Variants in PRIMA1 observed in about 807,000 individuals in gnomAD.
PRIMA1 encodes proline-rich membrane anchor 1.
PRIMA1 carries 7 observed loss-of-function variants against 17.5 expected under a neutral mutation model. The observed-to-expected ratio is 0.40, with a 90% CI of 0.23 to 0.75. The LOEUF is 0.75. PRIMA1 is among the 30% of genes least tolerant of loss of function. The probability of loss-of-function intolerance (pLI) is 0.37; values close to 1 mark genes in which losing one functional copy is unlikely to be tolerated. For missense variants in PRIMA1, 200 were observed against 201.8 expected (o/e 0.99, Z 0.05); for synonymous variants, 97 against 77.9 (o/e 1.25, Z -1.29).
At position 93,739,721 on chromosome 14, in the gene PRIMA1, A is replaced by G. The variant is rs115492171; in HGVS notation, c.230-2351T>C. Among the ~76,000 whole-genome samples, 664 of 152,252 alleles carry G rather than the reference A, an allele frequency of 4.4e-3. 5 individuals carry two copies. The highest frequency in any genetic ancestry group is 0.016 in the African/African-American group (644 of 41,540). On this transcript the variant is annotated intron_variant, in intron 3 of 4. Coordinates refer to ENST00000393140, the MANE Select transcript of PRIMA1 (RefSeq NM_178013.4). ...AGTGAACCAGCACCGAAACCCCACT[A>G]ACAAATGCAAGGTGCCTAGGAGTGA... is the stretch of plus-strand genomic sequence containing the variant.
intron 3 of PRIMA1, among the ~76,000 whole-genome samples, chr14:93,770,876 G>A (rs995853131): frequency 6.6e-6 from 1 of 152,202 alleles, no homozygotes; most frequent in Admixed American, 6.5e-5. Flanking sequence ...AGTAGCTACG[G>A]AGGACTCATG....
intron 4 of PRIMA1, among the ~76,000 whole-genome samples, chr14:93,729,621 C>T (rs541407555): frequency 6.6e-6 from 1 of 152,350 alleles, no homozygotes; most frequent in East Asian, 1.9e-4. Flanking sequence ...TTCCCCATGC[C>T]CCTCCTTTGG....
chr14:93,736,234 G>A (rs1430035981), intron 4 of PRIMA1, among the ~76,000 whole-genome samples: 1 of 152,134 alleles, frequency 6.6e-6, no homozygotes, highest in Non-Finnish European at 1.5e-5. Context: ...GCTGGGCTTT[G>A]GAGTATTTTT....
chr14:93,760,794 A>T (rs2076321649), intron 3 of PRIMA1, among the ~76,000 whole-genome samples: 1 of 152,014 alleles, frequency 6.6e-6, no homozygotes, highest in Non-Finnish European at 1.5e-5. Context: ...TGTTGGCCTC[A>T]CTTTCTCATC....
At chr14:93,763,232 C>T (rs2141181393) in intron 3 of PRIMA1, among the ~76,000 whole-genome samples, 1 of 152,320 alleles carries the variant, frequency 6.6e-6, no homozygotes, top group South Asian at 2.1e-4. Flanking sequence ...CCCAGCATTG[C>T]CCCTGCCTCC....
chr14:93,752,766 C>T (rs943322), intron 3 of PRIMA1, among the ~76,000 whole-genome samples: 141,393 of 152,176 alleles, frequency 0.93, 66,312 homozygotes, highest in Non-Finnish European at 0.97. Flanking sequence ...ATCCGGGGCA[C>T]GCAACCTGGG....
At chr14:93,728,363 C>A (rs1359273498) in intron 4 of PRIMA1, among the ~76,000 whole-genome samples, 1 of 152,174 alleles carries the variant, frequency 6.6e-6, no homozygotes, top group Admixed American at 6.5e-5. Context: ...GGTAGGCTGA[C>A]AGGTCAGCGA....
intron 3 of PRIMA1, among the ~76,000 whole-genome samples, chr14:93,776,568 A>C (rs1288079430): frequency 6.6e-6 from 1 of 152,124 alleles, no homozygotes; most frequent in Non-Finnish European, 1.5e-5. Flanking sequence ...CACACTGTCA[A>C]AACAGTTGAT....
chr14:93,754,084 A>G (rs2076276675), intron 3 of PRIMA1, among the ~76,000 whole-genome samples: 2 of 152,220 alleles, frequency 1.3e-5, no homozygotes, highest in African/African-American at 4.8e-5. Flanking sequence ...GGAGGAAAAT[A>G]TTTATATTAA....
In PRIMA1 at chr14:93,779,172, T is replaced by C; in HGVS notation, c.229+4A>G. 8.2e-7 allele frequency: 1 copy of C among 1,222,566 alleles called. No individual in the cohort carries two copies. The highest frequency in any genetic ancestry group is 1.0e-6 in the Non-Finnish European group (1 of 967,618). 75.7% of individuals were successfully genotyped at this position (1,222,566 alleles called of 1,614,324 possible). A position where few individuals can be genotyped will look rare whatever the true frequency, so the allele number is the denominator to read the frequency against. Reference sequence around the variant, plus strand: ...ACCCGAAAATGGAGTGAGCCATTACTTACCTGGGGCGGAGAGGAGTCTGGG... The same window carrying C: ...ACCCGAAAATGGAGTGAGCCATTACCTACCTGGGGCGGAGAGGAGTCTGGG... On this transcript the variant is annotated splice_donor_region_variant and intron_variant, in intron 3 of 4. Coordinates refer to ENST00000393140, the MANE Select transcript of PRIMA1 (RefSeq NM_178013.4).
intron 3 of PRIMA1, among the ~76,000 whole-genome samples, chr14:93,759,424 A>T (rs903710797): frequency 6.6e-6 from 1 of 152,098 alleles, no homozygotes; most frequent in Non-Finnish European, 1.5e-5. Context: ...AAATCTGCTC[A>T]AGGTGAGAAA....
At position 93,735,830 on chromosome 14, in the gene PRIMA1, T is replaced by C. The variant is rs184663613; in HGVS notation, c.359+1411A>G. 2.6e-4 allele frequency among the ~76,000 whole-genome samples: 39 copies of C among 151,980 alleles called. No homozygotes were observed. The East Asian group carries it at 6.0e-3, about 23-fold the overall frequency. ...CCTCAGCCTCCTGAGGCTGGGATTA[T>C]AGGCGTGTGCCACCATGACCTGCTA... On this transcript the variant is annotated intron_variant, in intron 4 of 4. Coordinates refer to ENST00000393140, the MANE Select transcript of PRIMA1 (RefSeq NM_178013.4).
intron 3 of PRIMA1, among the ~76,000 whole-genome samples, chr14:93,768,510 A>G (rs1168674141): frequency 2.0e-5 from 3 of 152,166 alleles, no homozygotes; most frequent in Non-Finnish European, 2.9e-5. Flanking sequence ...GTATTTTTAA[A>G]GCCCCCAGGT....
intron 4 of PRIMA1, among the ~76,000 whole-genome samples, chr14:93,732,906 T>A (rs993063234): frequency 2.0e-5 from 3 of 152,180 alleles, no homozygotes; most frequent in Middle Eastern, 3.2e-3. Context: ...CAGGCTGTCC[T>A]GCTGTCAGAA....
rs1168396833 is a variant in PRIMA1 at position 93,718,910 on chromosome 14, G to T, written c.*2534C>A. On this transcript the variant is annotated 3_prime_UTR_variant, in exon 5 of 5. Transcript: ENST00000393140. The stretch of plus-strand genomic sequence containing the variant: ...TAGCCTGAGGATCGGTGTGTGTCTA[G>T]AGACTGCCGGCTCATTTTAAATAAA... 6.6e-6 allele frequency: 1 copy of T among 152,308 alleles called. No homozygotes were observed. The highest frequency in any genetic ancestry group is 6.5e-5 in the Admixed American group (1 of 15,276). The allele number at this position is 152,308 out of a possible 1,614,324, so 9.4% of individuals were successfully genotyped here.
At chr14:93,747,012 G>A (rs769862833) in intron 3 of PRIMA1, among the ~76,000 whole-genome samples, 10 of 152,192 alleles carry the variant, frequency 6.6e-5, no homozygotes, top group South Asian at 2.1e-4. Context: ...AGCTGGGGCC[G>A]GACTCTGCGT....
chr14:93,749,912 G>A (rs182388368), intron 3 of PRIMA1, among the ~76,000 whole-genome samples: 17 of 152,346 alleles, frequency 1.1e-4, no homozygotes, highest in African/African-American at 4.1e-4. Context: ...TGGGTGCAGT[G>A]GCTCATGCCT....
intron 3 of PRIMA1, among the ~76,000 whole-genome samples, chr14:93,776,997 A>G (rs946685439): frequency 2.0e-5 from 3 of 152,236 alleles, no homozygotes; most frequent in African/African-American, 4.8e-5. Context: ...CTAGTTTCTC[A>G]TTTAGAGTAG....
At chr14:93,768,773 A>T (rs1002468689) in intron 3 of PRIMA1, among the ~76,000 whole-genome samples, 2 of 152,018 alleles carry the variant, frequency 1.3e-5, no homozygotes, top group African/African-American at 4.8e-5. Flanking sequence ...GGGAGAGGAA[A>T]ATTCAGTACT....
Sources: allele counts gnomAD v4.1 joint callset (sites outside exome capture counted in the v4.1 genomes callset), GRCh38; gene constraint gnomAD v4.1.1; transcripts MANE v1.5; gene names NCBI Gene and HGNC (gene_info 2026-07-23, HGNC 2026-07-21).